The following GRM8 variants were observed in gnomAD, a reference collection of about 807,000 sequenced individuals.
GRM8 encodes the protein glutamate metabotropic receptor 8, also known as metabotropic glutamate receptor 8.
A neutral mutation model predicts 87.2 loss-of-function variants in GRM8; 47 were observed. The observed-to-expected ratio is 0.54, with a 90% CI of 0.43 to 0.69. The LOEUF (loss-of-function observed/expected upper bound fraction) is 0.69, where lower values mean the gene tolerates loss of function less well. Among genes scored for constraint, GRM8 ranks in the 30% least tolerant of loss-of-function variants. The pLI, the probability that GRM8 is intolerant of heterozygous loss-of-function variation, is 0.00. For synonymous variants in GRM8, 396 were observed against 404.5 expected (o/e 0.98, Z 0.25); for missense variants, 1,019 against 1,139.2 (o/e 0.89, Z 1.52).
intron 7 of GRM8, among the ~76,000 whole-genome samples, chr7:126,707,833 T>C (rs1025128561): frequency 1.3e-4 from 20 of 152,256 alleles, no homozygotes; most frequent in Non-Finnish European, 1.5e-4. Context: ...GACATTGGTC[T>C]TGACAATGGT....
Position 127,243,335 on chromosome 7 carries a change from A to G in GRM8, c.-131T>C. On this transcript the variant is annotated 5_prime_UTR_variant, in exon 2 of 11. An upstream open reading frame in the 5' UTR loses its in-frame stop. Transcript: ENST00000339582. The stretch of plus-strand genomic sequence containing the variant: ...ATGGGGAAAAGGCTCTGTGGGCATT[A>G]GCAAGTTTTCTTGATTTGAATGTCA... The G allele has an allele frequency of 1.3e-6, 1 of 747,570 alleles. No individual in the cohort carries two copies. The highest frequency in any genetic ancestry group is 2.2e-6 in the Non-Finnish European group (1 of 464,020). 46.3% of individuals were successfully genotyped at this position (747,570 alleles called of 1,614,324 possible).
chr7:127,084,456 T>A (rs1313186535), intron 3 of GRM8: 1 of 152,212 alleles, frequency 6.6e-6, no homozygotes, highest in African/African-American at 2.4e-5. Flanking sequence ...AGATACACTA[T>A]AAACCATGTT....
At chr7:127,023,183 TTTTC>T (rs1353598822) in intron 3 of GRM8, among the ~76,000 whole-genome samples, 1 of 152,112 alleles carries the variant, frequency 6.6e-6, no homozygotes, top group Non-Finnish European at 1.5e-5. Flanking sequence ...CACAGGTGTT[TTTTC>T]TTTATTTAGA....
chr7:127,201,719 G>C (rs950731536), intron 2 of GRM8, among the ~76,000 whole-genome samples: 4 of 152,162 alleles, frequency 2.6e-5, no homozygotes, highest in Admixed American at 2.0e-4. Context: ...GCCTCAACTA[G>C]AGTAACCCTC....
At chr7:126,847,108 T>C (rs534578018) in intron 6 of GRM8, among the ~76,000 whole-genome samples, 71 of 152,300 alleles carry the variant, frequency 4.7e-4, no homozygotes, top group African/African-American at 1.7e-3. Context: ...CTTTCACAGT[T>C]CAGTTGACAT....
At chr7:126,907,227 G>C (rs1477676511) in intron 3 of GRM8, among the ~76,000 whole-genome samples, 4 of 148,802 alleles carry the variant, frequency 2.7e-5, no homozygotes, top group African/African-American at 1.0e-4. Flanking sequence ...GATGGAGGAG[G>C]AGGAGGAAGA....
intron 8 of GRM8, among the ~76,000 whole-genome samples, chr7:126,583,280 C>T (rs866190638): frequency 8.6e-5 from 13 of 152,000 alleles, no homozygotes; most frequent in South Asian, 8.3e-4. Flanking sequence ...TGCTTGAACC[C>T]GGGAAAGGAG....
intron 6 of GRM8, among the ~76,000 whole-genome samples, chr7:126,891,527 C>T (rs999871982): frequency 3.3e-5 from 5 of 152,020 alleles, no homozygotes; most frequent in Non-Finnish European, 7.4e-5. Context: ...GGTCTCTATC[C>T]TTACTCTCTT....
chr7:127,112,572 T>C (rs1826439882), intron 2 of GRM8, among the ~76,000 whole-genome samples: 1 of 152,242 alleles, frequency 6.6e-6, no homozygotes, highest in Admixed American at 6.5e-5. Context: ...ATCCTAACTT[T>C]GAAATATTTT....
chr7:126,461,311 A>T (rs574367120), intron 9 of GRM8, among the ~76,000 whole-genome samples: 1 of 151,682 alleles, frequency 6.6e-6, no homozygotes, highest in East Asian at 2.0e-4. Context: ...TCAATTCTTT[A>T]TACATCTCTC....
chr7:126,804,872 A>C lies in GRM8; in HGVS notation c.1157-34807T>G, dbSNP rs1792500884. Among the ~76,000 whole-genome samples the C allele has an allele frequency of 3.3e-5, 5 of 152,282 alleles. No homozygotes were observed. The South Asian group carries it at 6.2e-4, about 19-fold the overall frequency. The stretch of plus-strand genomic sequence containing the variant: ...TTGTAGGACTTTCAGAATCTTAACC[A>C]ACTCTATCTTGCTCTGCTAGAAACT... On this transcript the variant is annotated intron_variant, in intron 6 of 10. Transcript: ENST00000339582.
intron 2 of GRM8, among the ~76,000 whole-genome samples, chr7:127,129,618 G>A (rs761624465): frequency 5.9e-5 from 9 of 152,112 alleles, no homozygotes; most frequent in Non-Finnish European, 1.0e-4. Flanking sequence ...ATTACACACA[G>A]TAGGGGATTT....
rs150511803 is a variant in GRM8, at chr7:126,786,000, T to G, written c.1157-15935A>C. On this transcript the variant is annotated intron_variant, in intron 6 of 10. Coordinates refer to ENST00000339582, the MANE Select transcript of GRM8 (RefSeq NM_000845.3). The stretch of plus-strand genomic sequence containing the variant: ...ACATTTTGACTTTTAATTTTACCAG[T>G]CTTTTGAGGTTTTCTGGAGCACTAG... 1.1e-4 allele frequency among the ~76,000 whole-genome samples: 17 copies of G among 152,246 alleles called. No homozygotes were observed. In the East Asian group the frequency reaches 1.5e-3, roughly 14 times the overall value.
intron 2 of GRM8, among the ~76,000 whole-genome samples, chr7:127,167,121 T>C (rs569561008): frequency 7.9e-5 from 12 of 152,168 alleles, no homozygotes; most frequent in Middle Eastern, 6.8e-3. Flanking sequence ...AGGTGGAAAG[T>C]GGGGGCAATC....
At chr7:127,095,384 C>T (rs1474003139) in intron 3 of GRM8, among the ~76,000 whole-genome samples, 2 of 152,114 alleles carry the variant, frequency 1.3e-5, no homozygotes, top group East Asian at 3.9e-4. Flanking sequence ...ATGGGTGATG[C>T]TGGGTAGGGG....
intron 6 of GRM8, among the ~76,000 whole-genome samples, chr7:126,819,572 T>G (rs1038395955): frequency 1.3e-5 from 2 of 152,106 alleles, no homozygotes; most frequent in Non-Finnish European, 2.9e-5. Context: ...ATAATAAATA[T>G]TCAATAAATA....
intron 2 of GRM8, among the ~76,000 whole-genome samples, chr7:127,114,062 G>A (rs943181654): frequency 6.6e-6 from 1 of 152,158 alleles, no homozygotes; most frequent in African/African-American, 2.4e-5. Context: ...ACTACCCCAA[G>A]TTTGCATCCA....
At chr7:127,031,953 C>A (rs1817418678) in intron 3 of GRM8, among the ~76,000 whole-genome samples, 1 of 152,020 alleles carries the variant, frequency 6.6e-6, no homozygotes. Context: ...CCTCATCTAC[C>A]TTAGGAATTA....
intron 6 of GRM8, among the ~76,000 whole-genome samples, chr7:126,787,777 G>A (rs1820780554): frequency 6.6e-6 from 1 of 151,268 alleles, no homozygotes; most frequent in Non-Finnish European, 1.5e-5. Context: ...TCTATTTCTG[G>A]ATATTCAATA....
Sources: allele counts gnomAD v4.1 joint callset (sites outside exome capture counted in the v4.1 genomes callset), GRCh38; gene constraint gnomAD v4.1.1; transcripts MANE v1.5; gene names NCBI Gene and HGNC (gene_info 2026-07-23, HGNC 2026-07-21).